Variants in TXNRD1 observed in about 807,000 individuals in gnomAD.
TXNRD1 encodes thioredoxin reductase 1, also known as thioredoxin reductase 1, cytoplasmic.
Under a neutral mutation model 80.3 loss-of-function variants are expected in TXNRD1, and 57 were observed. The observed-to-expected ratio is 0.71, with a 90% CI of 0.57 to 0.89. The LOEUF is 0.89. Among genes scored for constraint, TXNRD1 ranks in the 40% least tolerant of loss-of-function variants. TXNRD1 has a pLI of 0.00. For synonymous variants in TXNRD1, 291 were observed against 285.2 expected, an observed-to-expected ratio of 1.02 and a Z score of -0.20; for missense variants, 730 against 803.0, an observed-to-expected ratio of 0.91 and a Z score of 1.10.
At position 104,319,025 on chromosome 12, in the gene TXNRD1, T is replaced by C. The variant is rs2035430360; in HGVS notation, c.843T>C (p.Tyr281=). 1.2e-6 allele frequency: 2 copies of C among 1,613,778 alleles called. No individual in the cohort carries two copies. Among genetic ancestry groups the C allele is most frequent in the Non-Finnish European group, 8.5e-7 (1 of 1,179,846 alleles). Residue 281 remains tyrosine (Y), a synonymous_variant, in exon 8 of 17, where the codon TAT becomes TAC. Coordinates refer to ENST00000525566, the MANE Select transcript of TXNRD1 (RefSeq NM_001093771.3). ...REKKVVYENA[Y]GQFIGPHRIK... ...AAAAAGTCGTCTATGAGAATGCTTA[T>C]GGGCAATTTATTGGTCCTCACAGGA... is the stretch of plus-strand genomic sequence containing the variant.
chr12:104,294,233 G>GGGGCC lies in TXNRD1; in HGVS notation c.414+5193_414+5194insGGGCC, dbSNP rs60817773. The stretch of plus-strand genomic sequence containing the variant: ...CTTCTCTAAACTCCCCCGGGGAAAG[G>GGGGCC]CCCCCCCCCCCGCCGCCGGCTTTCC... On this transcript the variant is annotated intron_variant, in intron 4 of 16. Transcript: ENST00000525566. Among the ~76,000 whole-genome samples the GGGGCC allele has an allele frequency of 7.3e-5, 5 of 68,882 alleles. 1 individual carries two copies. The highest frequency in any genetic ancestry group is 1.2e-4 in the African/African-American group (2 of 16,784). The allele number at this position is 68,882 out of a possible 152,430, so 45.2% of individuals were successfully genotyped here. A position where few individuals can be genotyped will look rare whatever the true frequency, so the allele number is the denominator to read the frequency against.
chr12:104,276,671 T>C (rs9668964), intron 3 of TXNRD1: 51,074 of 152,076 alleles, frequency 0.34, 9,456 homozygotes, highest in East Asian at 0.83. Flanking sequence ...GGAAAGGCAC[T>C]GTGCCAGATG....
At chr12:104,338,505 G>A (rs1035217629) in intron 15 of TXNRD1, among the ~76,000 whole-genome samples, 3 of 151,350 alleles carry the variant, frequency 2.0e-5, no homozygotes, top group African/African-American at 7.3e-5. Context: ...GACCAGCCTG[G>A]CCAACATGGC....
At chr12:104,225,048 A>G (rs2032442059) in intron 1 of TXNRD1, 1 of 357,186 alleles carries the variant, frequency 2.8e-6, no homozygotes. Flanking sequence ...ATTAGATAAT[A>G]TTTATTCATT....
At chr12:104,254,817 A>G (rs761634186) in intron 2 of TXNRD1, among the ~76,000 whole-genome samples, 6 of 151,242 alleles carry the variant, frequency 4.0e-5, no homozygotes, top group Non-Finnish European at 8.8e-5. Context: ...TCTCTAAAAT[A>G]AATACATATG....
intron 3 of TXNRD1, among the ~76,000 whole-genome samples, chr12:104,282,355 T>C (rs763977365): frequency 6.6e-6 from 1 of 152,192 alleles, no homozygotes; most frequent in Non-Finnish European, 1.5e-5. Flanking sequence ...CTTGGAGCAA[T>C]GTTTTGTACC....
At chr12:104,249,434 T>C (rs917384925) in intron 1 of TXNRD1, among the ~76,000 whole-genome samples, 8 of 152,226 alleles carry the variant, frequency 5.3e-5, no homozygotes, top group Non-Finnish European at 1.2e-4. Flanking sequence ...TCTATGTTCC[T>C]CTTCACTTTT....
At chr12:104,267,846 CCT>C (rs769629671) in intron 3 of TXNRD1, among the ~76,000 whole-genome samples, 2 of 139,550 alleles carry the variant, frequency 1.4e-5, no homozygotes, top group African/African-American at 2.6e-5. Context: ...CTCCTTCCTT[CCT>C]CTCTCTCTTT....
intron 4 of TXNRD1, chr12:104,305,087 T>G (rs778064127): frequency 2.9e-5 from 24 of 814,012 alleles, no homozygotes; most frequent in Non-Finnish European, 4.1e-5. Context: ...CATATTTTTC[T>G]TAGTAATTTA....
chr12:104,321,383 T>C (rs1654569943), intron 10 of TXNRD1, 67 bp downstream of exon 10: 1 of 1,305,688 alleles, frequency 7.7e-7, no homozygotes, highest in African/African-American at 1.5e-5. Context: ...GAGAGTTGAG[T>C]TGGTGGTAGA....
At chr12:104,286,676 T>G (rs1003297645) in intron 3 of TXNRD1, 1 of 981,544 alleles carries the variant, frequency 1.0e-6, no homozygotes, top group Non-Finnish European at 1.2e-6. Flanking sequence ...GGCACCAGGA[T>G]TCTAAAGACC....
chr12:104,306,894 C>T (rs1038124469), intron 4 of TXNRD1, among the ~76,000 whole-genome samples: 2 of 152,124 alleles, frequency 1.3e-5, no homozygotes, highest in Admixed American at 1.3e-4. Flanking sequence ...AAAAAGATCC[C>T]GCCCCAGTAC....
chr12:104,241,752 G>A (rs2032873140), intron 1 of TXNRD1, among the ~76,000 whole-genome samples: 1 of 151,624 alleles, frequency 6.6e-6, no homozygotes, highest in Non-Finnish European at 1.5e-5. Context: ...TGTTGCCCAG[G>A]CTAGTCTTGA....
At chr12:104,230,631 A>C (rs1260312259) in intron 1 of TXNRD1, among the ~76,000 whole-genome samples, 1 of 152,178 alleles carries the variant, frequency 6.6e-6, no homozygotes, top group African/African-American at 2.4e-5. Flanking sequence ...GTCTGTTCAA[A>C]GTCTTTTTCC....
intron 16 of TXNRD1, chr12:104,345,886 T>C: frequency 9.1e-7 from 1 of 1,094,610 alleles, no homozygotes; most frequent in Non-Finnish European, 1.2e-6. Context: ...CTCCTGACCC[T>C]TGTACGAGTC....
intron 4 of TXNRD1, among the ~76,000 whole-genome samples, chr12:104,294,777 C>T (rs1315196696): frequency 6.6e-6 from 1 of 152,152 alleles, no homozygotes; most frequent in East Asian, 1.9e-4. Context: ...AGCCAGGTCT[C>T]CTTTCAAGTC....
rs1198437368 is a variant in TXNRD1 at position 104,349,227 on chromosome 12, A to G, written c.*806A>G. 1 of 152,234 alleles carries G rather than the reference A, an allele frequency of 6.6e-6. No individual in the cohort carries two copies. Among genetic ancestry groups the G allele is most frequent in the Non-Finnish European group, 1.5e-5 (1 of 68,042 alleles). The allele number at this position is 152,234 out of a possible 1,614,324, so 9.4% of individuals were successfully genotyped here. ...ACCAGAAATGGGGGAGAAACAGTAC[A>G]TATCTTTCTGTCTTTAGTTTATTGT... On this transcript the variant is annotated 3_prime_UTR_variant, in exon 17 of 17. Transcript: ENST00000525566.
chr12:104,264,618 T>C (rs2033436495), intron 3 of TXNRD1, among the ~76,000 whole-genome samples: 1 of 152,226 alleles, frequency 6.6e-6, no homozygotes, highest in South Asian at 2.1e-4. Flanking sequence ...GTCTTTTTTG[T>C]AAACTCTGTT....
chr12:104,337,226 C>A (rs1757071148), intron 15 of TXNRD1, among the ~76,000 whole-genome samples: 1 of 151,920 alleles, frequency 6.6e-6, no homozygotes, highest in Non-Finnish European at 1.5e-5. Context: ...ATACCATAAA[C>A]CCGGAATCGT....
Sources: allele counts gnomAD v4.1 joint callset (sites outside exome capture counted in the v4.1 genomes callset), GRCh38; gene constraint gnomAD v4.1.1; transcripts MANE v1.5; gene names NCBI Gene and HGNC (gene_info 2026-07-23, HGNC 2026-07-21).